The following PADI3 variants were observed in gnomAD, a reference collection of about 807,000 sequenced individuals.
The protein encoded by PADI3 is peptidyl arginine deiminase 3, also known as protein-arginine deiminase type-3.
Under a neutral mutation model 71.5 loss-of-function variants are expected in PADI3, and 53 were observed. That is an observed-to-expected ratio of 0.74 (90% CI 0.59 to 0.93). The LOEUF (loss-of-function observed/expected upper bound fraction) is 0.93, where lower values mean the gene tolerates loss of function less well. PADI3 is among the 40% of genes least tolerant of loss of function. The probability of loss-of-function intolerance (pLI) is 0.00; values close to 1 mark genes in which losing one functional copy is unlikely to be tolerated. For missense variants in PADI3, 821 were observed against 868.0 expected, an observed-to-expected ratio of 0.95 and a Z score of 0.68; for synonymous variants, 361 against 347.5, an observed-to-expected ratio of 1.04 and a Z score of -0.43.
chr1:17,283,145 C>T lies in PADI3; in HGVS notation c.*66C>T, dbSNP rs1441976880. Reference sequence around the variant, plus strand: ...TTGGCCCAGGTGGTGGAGACAGAGACAGGCCCCTGAACGATAAGCACCAAG... The same window carrying T: ...TTGGCCCAGGTGGTGGAGACAGAGATAGGCCCCTGAACGATAAGCACCAAG... On this transcript the variant is annotated 3_prime_UTR_variant, in exon 16 of 16. Coordinates refer to ENST00000375460, the MANE Select transcript of PADI3 (RefSeq NM_016233.2). The T allele has an allele frequency of 1.6e-6, 2 of 1,264,122 alleles. No individual in the cohort carries two copies. Among genetic ancestry groups the T allele is most frequent in the African/African-American group, 1.5e-5 (1 of 68,306 alleles). 78.3% of individuals were successfully genotyped at this position (1,264,122 alleles called of 1,614,324 possible).
At chr1:17,252,720 G>T (rs1467702034) in intron 1 of PADI3, among the ~76,000 whole-genome samples, 1 of 152,170 alleles carries the variant, frequency 6.6e-6, no homozygotes, top group Non-Finnish European at 1.5e-5. Flanking sequence ...CATTCTTAAT[G>T]GGCAAAATCA....
At chr1:17,268,321 C>T (rs1481747523) in intron 6 of PADI3, among the ~76,000 whole-genome samples, 6 of 152,106 alleles carry the variant, frequency 3.9e-5, no homozygotes, top group Non-Finnish European at 5.9e-5. Context: ...TTGTCTGTCT[C>T]GCTGAAGTTT....
chr1:17,255,577 G>A (rs571411874), intron 1 of PADI3, among the ~76,000 whole-genome samples: 5 of 152,172 alleles, frequency 3.3e-5, no homozygotes, highest in African/African-American at 1.2e-4. Flanking sequence ...CTAGGAAATG[G>A]GAAGCTAGAT....
rs1186558897 is a variant in PADI3 at position 17,283,960 on chromosome 1, A to C, written c.*881A>C. The C allele has an allele frequency of 6.6e-6, 1 of 152,190 alleles. No homozygotes were observed. The highest frequency in any genetic ancestry group is 2.4e-5 in the African/African-American group (1 of 41,416). The allele number at this position is 152,190 out of a possible 1,614,324, so 9.4% of individuals were successfully genotyped here. The stretch of plus-strand genomic sequence containing the variant: ...CATTGGCCCTGGGACTTCTCTCTGC[A>C]GGAGGAGAGAACGCTGCCTCTCCTC... On this transcript the variant is annotated 3_prime_UTR_variant, in exon 16 of 16. Coordinates refer to ENST00000375460, the MANE Select transcript of PADI3 (RefSeq NM_016233.2).
intron 13 of PADI3, among the ~76,000 whole-genome samples, chr1:17,279,049 G>A (rs1178028645): frequency 1.3e-5 from 2 of 152,190 alleles, no homozygotes; most frequent in African/African-American, 4.8e-5. Flanking sequence ...CAGGCAGGGA[G>A]AAATGCCACC....
rs1433858834 is a variant in PADI3, at chr1:17,271,082, G to C, written c.951G>C (p.Thr317=). The stretch of plus-strand genomic sequence containing the variant: ...TTGTCCGTAGTGTGAGGAACAACAC[G>C]TGTTTTGTGGATGCGGTGGCAGAGC... ...EVYVCRVRNN[T]CFVDAVAELA... Residue 317 remains threonine (T), a synonymous_variant, in exon 9 of 16, where the codon ACG becomes ACC. Coordinates refer to ENST00000375460, the MANE Select transcript of PADI3 (RefSeq NM_016233.2). The C allele has an allele frequency of 1.2e-6, 2 of 1,614,080 alleles. No individual in the cohort carries two copies. Among genetic ancestry groups the C allele is most frequent in the Non-Finnish European group, 1.7e-6 (2 of 1,179,986 alleles).
intron 11 of PADI3, among the ~76,000 whole-genome samples, chr1:17,275,203 A>G (rs1217818662): frequency 6.6e-6 from 1 of 152,020 alleles, no homozygotes; most frequent in Non-Finnish European, 1.5e-5. Flanking sequence ...TGGGAGGCCA[A>G]GGCAGGCGGA....
chr1:17,260,590 A>G (rs1279725906), intron 2 of PADI3, among the ~76,000 whole-genome samples: 1 of 152,170 alleles, frequency 6.6e-6, no homozygotes, highest in Non-Finnish European at 1.5e-5. Flanking sequence ...GGGACCGCAC[A>G]CTAATGGTCA....
intron 6 of PADI3, among the ~76,000 whole-genome samples, chr1:17,269,122 CA>C (rs1350839719): frequency 6.6e-6 from 1 of 151,792 alleles, no homozygotes; most frequent in African/African-American, 2.4e-5. Flanking sequence ...TGGGCTCAAG[CA>C]ATCCACCCGC....
Position 17,271,072 on chromosome 1 carries a change from G to GGAAC in PADI3, c.942_945dup (p.Asn316GlufsTer37). The GGAAC allele has an allele frequency of 6.2e-7, 1 of 1,614,132 alleles. No individual in the cohort carries two copies. Among genetic ancestry groups the GGAAC allele is most frequent in the Non-Finnish European group, 8.5e-7 (1 of 1,180,016 alleles). On this transcript the variant is annotated frameshift_variant, in exon 9 of 16. Coordinates refer to ENST00000375460, the MANE Select transcript of PADI3 (RefSeq NM_016233.2). LOFTEE classifies it high-confidence loss of function. ...TTCCCTGGGCTTGTCCGTAGTGTGA[G>GGAAC]GAACAACACGTGTTTTGTGGATGCG...
intron 14 of PADI3, 59 bp from the exon 15 acceptor site, chr1:17,280,612 T>C (rs1207483697): frequency 1.2e-6 from 2 of 1,610,234 alleles, no homozygotes; most frequent in African/African-American, 2.7e-5. Context: ...CAGGATGCCT[T>C]GGTGCCCCCA....
chr1:17,271,166 C>A lies in PADI3; in HGVS notation c.1035C>A (p.Asp345Glu), dbSNP rs1375196005. 2 of 1,612,910 alleles carry A rather than the reference C, an allele frequency of 1.2e-6. No homozygotes were observed. The highest frequency in any genetic ancestry group is 1.7e-6 in the Non-Finnish European group (2 of 1,179,904). ...GCCCACAGGCCGAGAACCGCAACGA[C>A]CGCTGGATCCAGGTAACCACAGCCA... ...TICPQAENRN[D>E]RWIQDEMELG... Residue 345 changes from aspartate to glutamate, a missense_variant, in exon 9 of 16, where the codon GAC becomes GAA. Physicochemically the swap from Asp to Glu is conservative, Grantham distance 45. Transcript: ENST00000375460.
At chr1:17,269,458 G>A (rs969502140) in intron 6 of PADI3, among the ~76,000 whole-genome samples, 2 of 152,318 alleles carry the variant, frequency 1.3e-5, no homozygotes, top group Admixed American at 1.3e-4. Flanking sequence ...GGTTGCTTGA[G>A]GTCAGGGGCT....
chr1:17,274,320 T>C (rs1293233554), intron 10 of PADI3, among the ~76,000 whole-genome samples: 1 of 152,132 alleles, frequency 6.6e-6, no homozygotes, highest in Non-Finnish European at 1.5e-5. Context: ...GCTGTGTAGG[T>C]AAGGGGATGG....
intron 3 of PADI3, among the ~76,000 whole-genome samples, chr1:17,263,890 G>A (rs2073132015): frequency 1.3e-5 from 2 of 152,188 alleles, no homozygotes; most frequent in Non-Finnish European, 2.9e-5. Context: ...GCATTGCCAA[G>A]GTTGTGGAGC....
chr1:17,266,745 G>A lies in PADI3; in HGVS notation c.435G>A (p.Gly145=). The change falls in exon 5 of 16, where the codon GGG becomes GGA. Residue 145 remains glycine, a synonymous_variant. Coordinates refer to ENST00000375460, the MANE Select transcript of PADI3 (RefSeq NM_016233.2). ...DKRQWVWGPS[G]YGGILLVNCD... ...GGCAGTGGGTCTGGGGGCCCAGTGG[G>A]TATGGCGGCATCTTGCTGGTGAACT... The A allele has an allele frequency of 1.9e-6, 3 of 1,614,170 alleles. No homozygotes were observed. Among genetic ancestry groups the A allele is most frequent in the Non-Finnish European group, 1.7e-6 (2 of 1,180,026 alleles).
chr1:17,270,242 A>ATG lies in PADI3; in HGVS notation c.669_670dup (p.Glu224ValfsTer76). 1.2e-6 allele frequency: 2 copies of ATG among 1,610,364 alleles called. No individual in the cohort carries two copies. Among genetic ancestry groups the ATG allele is most frequent in the Non-Finnish European group, 1.7e-6 (2 of 1,178,076 alleles). ...GTCCCTCCCCTTCCAGGTCCTGAGG[A>ATG]TGTGTGTGAGGCCTATAGGCATGTG... On this transcript the variant is annotated frameshift_variant, in exon 7 of 16. Coordinates refer to ENST00000375460, the MANE Select transcript of PADI3 (RefSeq NM_016233.2). LOFTEE classifies it high-confidence loss of function.
chr1:17,280,607 T>C, intron 14 of PADI3, 64 bp from the exon 15 acceptor site: 1 of 1,608,228 alleles, frequency 6.2e-7, no homozygotes. Flanking sequence ...AGCGACAGGA[T>C]GCCTTGGTGC....
chr1:17,283,381 T>G lies in PADI3; in HGVS notation c.*302T>G. The G allele has an allele frequency of 2.9e-6, 1 of 340,390 alleles. No homozygotes were observed. The highest frequency in any genetic ancestry group is 5.5e-6 in the Non-Finnish European group (1 of 182,938). The allele number at this position is 340,390 out of a possible 1,614,324, so 21.1% of individuals were successfully genotyped here. ...CCCCTTCTCACTCTGAAATCATCCA[T>G]TTGGGGACAAATCCACATTGGGGTC... is the stretch of plus-strand genomic sequence containing the variant. On this transcript the variant is annotated 3_prime_UTR_variant, in exon 16 of 16. Coordinates refer to ENST00000375460, the MANE Select transcript of PADI3 (RefSeq NM_016233.2).
Sources: allele counts gnomAD v4.1 joint callset (sites outside exome capture counted in the v4.1 genomes callset), GRCh38; gene constraint gnomAD v4.1.1; transcripts MANE v1.5; gene names NCBI Gene and HGNC (gene_info 2026-07-23, HGNC 2026-07-21).